Variants in LRP6 observed in about 807,000 individuals in gnomAD.
LRP6 encodes low-density lipoprotein receptor-related protein 6.
A neutral mutation model predicts 184.1 loss-of-function variants in LRP6; 43 were observed. That is an observed-to-expected ratio of 0.23 (90% CI 0.18 to 0.30). The LOEUF is 0.30. Among genes scored for constraint, LRP6 ranks in the 10% least tolerant of loss-of-function variants. The probability of loss-of-function intolerance (pLI) is 1.00; values close to 1 mark genes in which losing one functional copy is unlikely to be tolerated. For synonymous variants in LRP6, 719 were observed against 684.9 expected (o/e 1.05, Z -0.78); for missense variants, 1,571 against 2,005.3 (o/e 0.78, Z 4.14).
At chr12:12,188,825 T>C (rs879761704) in intron 3 of LRP6, among the ~76,000 whole-genome samples, 38 of 152,338 alleles carry the variant, frequency 2.5e-4, no homozygotes, top group Admixed American at 1.3e-3. Context: ...TACAGGGTGA[T>C]GGCACAGTTT....
intron 16 of LRP6, among the ~76,000 whole-genome samples, chr12:12,136,550 T>C: frequency 6.6e-6 from 1 of 152,258 alleles, no homozygotes; most frequent in East Asian, 1.9e-4. Flanking sequence ...AAAGAATCAT[T>C]GTTTGGAATT....
chr12:12,184,986 C>A (rs1863434631), intron 4 of LRP6, among the ~76,000 whole-genome samples: 1 of 152,002 alleles, frequency 6.6e-6, no homozygotes, highest in African/African-American at 2.4e-5. Context: ...AAAGGACCAA[C>A]AATGCCATTT....
chr12:12,142,699 G>A (rs1259862283), intron 15 of LRP6, among the ~76,000 whole-genome samples: 3 of 151,824 alleles, frequency 2.0e-5, no homozygotes, highest in South Asian at 2.1e-4. Context: ...TCTCATGAGC[G>A]TAGATTAAAA....
rs1347992690 is a variant in LRP6 at position 12,117,076 on chromosome 12, A to G, written c.*4050T>C. 1 of 152,258 alleles carries G rather than the reference A, an allele frequency of 6.6e-6. No homozygotes were observed. The highest frequency in any genetic ancestry group is 6.5e-5 in the Admixed American group (1 of 15,288). 9.4% of individuals were successfully genotyped at this position (152,258 alleles called of 1,614,324 possible). A position where few individuals can be genotyped will look rare whatever the true frequency, so the allele number is the denominator to read the frequency against. On this transcript the variant is annotated 3_prime_UTR_variant, in exon 23 of 23. Coordinates refer to ENST00000261349, the MANE Select transcript of LRP6 (RefSeq NM_002336.3). Reference sequence around the variant, plus strand: ...AACTATTATAAAATGGTGCCATCCCAAAAGTCAGAAGCCACACATGCACTA... The same window carrying G: ...AACTATTATAAAATGGTGCCATCCCGAAAGTCAGAAGCCACACATGCACTA...
intron 7 of LRP6, among the ~76,000 whole-genome samples, chr12:12,177,390 T>A (rs1863218314): frequency 6.6e-6 from 1 of 152,212 alleles, no homozygotes; most frequent in African/African-American, 2.4e-5. Context: ...GAGGGATTTT[T>A]AAAATTATAC....
chr12:12,174,527 GATTT>G (rs757904919), intron 7 of LRP6, among the ~76,000 whole-genome samples: 6 of 152,122 alleles, frequency 3.9e-5, no homozygotes, highest in South Asian at 4.1e-4. Flanking sequence ...CTCAACAATA[GATTT>G]ATTATAATTT....
intron 8 of LRP6, 39 bp from the exon 9 acceptor site, chr12:12,164,601 C>T (rs763386752): frequency 1.3e-5 from 21 of 1,571,970 alleles, no homozygotes; most frequent in Non-Finnish European, 1.8e-5. Flanking sequence ...GAAGGACACA[C>T]ACATTGATAC....
At chr12:12,248,471 C>CTTTTTTTTTTTTTT (rs71061030) in intron 1 of LRP6, among the ~76,000 whole-genome samples, 3 of 62,758 alleles carry the variant, frequency 4.8e-5, no homozygotes, top group African/African-American at 1.8e-4. Flanking sequence ...AGTCTTTACT[C>CTTTTTTTTTTTTTT]TTTTTTTTTT....
chr12:12,245,355 TAAACTTTTACAAAAGGC>T (rs1389844762), intron 1 of LRP6, among the ~76,000 whole-genome samples: 1 of 152,152 alleles, frequency 6.6e-6, no homozygotes, highest in East Asian at 1.9e-4. Flanking sequence ...CTCATCTATA[TAAACTTTTACAAAAGGC>T]AAACTTTTGT....
At chr12:12,127,645 C>A (rs1380460717) in intron 19 of LRP6, among the ~76,000 whole-genome samples, 17 of 138,664 alleles carry the variant, frequency 1.2e-4, no homozygotes, top group Admixed American at 1.2e-3. Context: ...CTGAGCTACC[C>A]GTTTAAGAAG....
intron 15 of LRP6, chr12:12,138,774 T>C (rs1389685528): frequency 4.0e-6 from 6 of 1,481,868 alleles, no homozygotes; most frequent in Admixed American, 3.9e-5. Context: ...TTCTAGTTCA[T>C]AGAAATGTAG....
At chr12:12,234,894 T>C (rs1864893502) in intron 2 of LRP6, among the ~76,000 whole-genome samples, 1 of 150,542 alleles carries the variant, frequency 6.6e-6, no homozygotes, top group Non-Finnish European at 1.5e-5. Flanking sequence ...AAAAAGAATA[T>C]ACACACGTAT....
chr12:12,140,333 A>C (rs1183376527), intron 15 of LRP6, among the ~76,000 whole-genome samples: 3 of 152,174 alleles, frequency 2.0e-5, no homozygotes. Flanking sequence ...GGGTTGGGAG[A>C]CAAATTTGAG....
intron 12 of LRP6, among the ~76,000 whole-genome samples, chr12:12,152,826 A>C (rs891287710): frequency 1.3e-5 from 2 of 152,266 alleles, no homozygotes; most frequent in Admixed American, 1.3e-4. Flanking sequence ...GTGGTCTCTC[A>C]GCTTATTTTA....
intron 10 of LRP6, 43 bp from the exon 11 acceptor site, chr12:12,160,007 TA>T: frequency 7.1e-7 from 1 of 1,404,818 alleles, no homozygotes; most frequent in South Asian, 1.3e-5. Flanking sequence ...AATTTTTTAT[TA>T]TCTGGGGGAA....
chr12:12,189,046 T>C (rs547159207), intron 3 of LRP6, among the ~76,000 whole-genome samples: 2 of 152,362 alleles, frequency 1.3e-5, no homozygotes, highest in African/African-American at 4.8e-5. Context: ...AAAAGTTTTG[T>C]ATATCATTAA....
At chr12:12,250,219 C>T (rs1434121542) in intron 1 of LRP6, among the ~76,000 whole-genome samples, 1 of 152,204 alleles carries the variant, frequency 6.6e-6, no homozygotes, top group African/African-American at 2.4e-5. Context: ...CTCAGCCTTC[C>T]ACCATGACTT....
At position 12,244,520 on chromosome 12, in the gene LRP6, A is replaced by G; in HGVS notation, c.191T>C (p.Leu64Ser). 1.2e-6 allele frequency: 2 copies of G among 1,614,196 alleles called. No individual in the cohort carries two copies. The highest frequency in any genetic ancestry group is 2.2e-5 in the South Asian group (2 of 91,090). Reference sequence around the variant, plus strand: ...TTCGCTGACATCACTCCAGTATATCAAGCCATGACTAAACACAAAGTCCAC... The same window carrying G: ...TTCGCTGACATCACTCCAGTATATCGAGCCATGACTAAACACAAAGTCCAC... ...AAVDFVFSHG[L>S]IYWSDVSEEA... Residue 64 changes from leucine (L) to serine (S), a missense_variant, in exon 2 of 23, where the codon TTG becomes TCG. Around this residue, in one of 4 missense-constraint regions of LRP6, gnomAD observed 640 missense variants for 851.9 expected, o/e 0.75. Coordinates refer to ENST00000261349, the MANE Select transcript of LRP6 (RefSeq NM_002336.3).
chr12:12,253,346 G>A (rs1047783973), intron 1 of LRP6, among the ~76,000 whole-genome samples: 1 of 151,736 alleles, frequency 6.6e-6, no homozygotes, highest in African/African-American at 2.4e-5. Flanking sequence ...ATTTTAGTTC[G>A]CATGCCACAA....
Sources: gnomAD v4.1 joint callset for allele counts (sites outside exome capture counted in the v4.1 genomes callset) on GRCh38, gnomAD v4.1.1 for gene constraint, gnomAD v4.1.1 regional missense constraint, MANE v1.5 for transcripts, NCBI Gene and HGNC (gene_info 2026-07-23, HGNC 2026-07-21) for gene names.